SLC35F1: variants seen among roughly 807,000 people sequenced by gnomAD.
SLC35F1 encodes the protein solute carrier family 35 member F1.
In SLC35F1, 14 loss-of-function variants were observed where a neutral mutation model predicts 48.7. The ratio of observed to expected loss-of-function variants is 0.29; its 90% CI spans 0.19 to 0.45. The LOEUF (loss-of-function observed/expected upper bound fraction) is 0.45. SLC35F1 is among the 20% of genes least tolerant of loss of function. SLC35F1 has a pLI of 1.00. For missense variants in SLC35F1, 404 were observed against 500.0 expected (o/e 0.81, Z 1.83); for synonymous variants, 190 against 202.2 (o/e 0.94, Z 0.51).
chr6:118,262,833 T>C (rs764535170), intron 3 of SLC35F1, among the ~76,000 whole-genome samples: 3 of 152,146 alleles, frequency 2.0e-5, no homozygotes. Context: ...AGGCCTGTAA[T>C]CCCAGCAGTT....
intron 2 of SLC35F1, among the ~76,000 whole-genome samples, chr6:118,194,460 C>T (rs1471241591): frequency 1.3e-5 from 2 of 152,072 alleles, no homozygotes; most frequent in Non-Finnish European, 2.9e-5. Context: ...ATGGAGGCCT[C>T]ATCTATTTTT....
intron 2 of SLC35F1, among the ~76,000 whole-genome samples, chr6:118,174,574 C>T (rs559831547): frequency 6.6e-6 from 1 of 151,890 alleles, no homozygotes; most frequent in Non-Finnish European, 1.5e-5. Flanking sequence ...TTAAATGATC[C>T]AACATGCATG....
At chr6:118,297,843 A>G (rs1776211237) in intron 7 of SLC35F1, among the ~76,000 whole-genome samples, 1 of 150,078 alleles carries the variant, frequency 6.7e-6, no homozygotes, top group South Asian at 2.1e-4. Context: ...TGTTCCCTCA[A>G]AATCTCATGT....
chr6:118,291,687 G>A (rs1054259762), intron 7 of SLC35F1, among the ~76,000 whole-genome samples: 2 of 152,180 alleles, frequency 1.3e-5, no homozygotes, highest in Non-Finnish European at 2.9e-5. Context: ...TGGGCTGCAA[G>A]TAATAACTGC....
chr6:118,082,648 A>G (rs1772928869), intron 1 of SLC35F1, among the ~76,000 whole-genome samples: 1 of 152,210 alleles, frequency 6.6e-6, no homozygotes, highest in Admixed American at 6.5e-5. Flanking sequence ...CTGGATCCAG[A>G]AACCCAAGAA....
chr6:118,006,931 A>T (rs559907596), intron 1 of SLC35F1, among the ~76,000 whole-genome samples: 1 of 152,258 alleles, frequency 6.6e-6, no homozygotes, highest in East Asian at 1.9e-4. Flanking sequence ...ACTACAAATT[A>T]TAAAGAAATA....
chr6:118,147,218 A>G (rs1773986943), intron 1 of SLC35F1, among the ~76,000 whole-genome samples: 1 of 152,136 alleles, frequency 6.6e-6, no homozygotes, highest in Admixed American at 6.6e-5. Flanking sequence ...AGAGTTTCCT[A>G]CTGGTCAGGT....
intron 1 of SLC35F1, 66 bp from the exon 2 acceptor site, chr6:118,154,379 T>A (rs1235547053): frequency 2.0e-6 from 3 of 1,464,084 alleles, no homozygotes; most frequent in Non-Finnish European, 1.8e-6. Context: ...CAAAAAGTTT[T>A]AATTGCTATT....
intron 7 of SLC35F1, among the ~76,000 whole-genome samples, chr6:118,288,058 A>G (rs114190181): frequency 0.01 from 1,504 of 148,152 alleles, 27 homozygotes; most frequent in African/African-American, 0.035. Flanking sequence ...TTTTGTTACT[A>G]TTTGAAAGAT....
chr6:118,014,958 C>T (rs6568994), intron 1 of SLC35F1, among the ~76,000 whole-genome samples: 7,447 of 152,206 alleles, frequency 0.049, 255 homozygotes, highest in African/African-American at 0.082. Context: ...ATAATTTCCA[C>T]GTGTTGTGGG....
intron 2 of SLC35F1, among the ~76,000 whole-genome samples, chr6:118,206,951 AAAAAT>A (rs1215020450): frequency 6.6e-6 from 1 of 152,252 alleles, no homozygotes; most frequent in East Asian, 1.9e-4. Flanking sequence ...GTGTTTAAAA[AAAAAT>A]AAAAACAACT....
Position 117,999,105 on chromosome 6 carries a change from G to A in SLC35F1, c.173+91206G>A, listed in dbSNP as rs539159531. On this transcript the variant is annotated intron_variant, in intron 1 of 7. Transcript: ENST00000360388. The stretch of plus-strand genomic sequence containing the variant: ...GACCCCAAGTTCCTGAGGAACATGC[G>A]CTTTGCCAAGAAGCACAACAAAAAG... 162 of 1,567,692 alleles carry A rather than the reference G, an allele frequency of 1.0e-4. No homozygotes were observed. The African/African-American group carries it at 1.2e-3, about 12-fold the overall frequency.
rs78390695 is a variant in SLC35F1, at chr6:118,257,548, T to C, written c.478-9447T>C. 9.2e-5 allele frequency among the ~76,000 whole-genome samples: 14 copies of C among 152,300 alleles called. No individual in the cohort carries two copies. In the East Asian group the frequency reaches 2.5e-3, roughly 27 times the overall value. ...TTCTTGGGGTCTTTTAGGTGAACCA[T>C]GTAGAATACAACCAATTTGACCTAC... is the stretch of plus-strand genomic sequence containing the variant. On this transcript the variant is annotated intron_variant, in intron 3 of 7. Transcript: ENST00000360388.
At chr6:118,068,387 A>G (rs77629976) in intron 1 of SLC35F1, among the ~76,000 whole-genome samples, 4,089 of 151,770 alleles carry the variant, frequency 0.027, 81 homozygotes, top group Non-Finnish European at 0.042. Flanking sequence ...AGAAGAATAC[A>G]TTTTTTTTTC....
At chr6:118,240,231 G>A (rs976644493) in intron 3 of SLC35F1, among the ~76,000 whole-genome samples, 1 of 152,222 alleles carries the variant, frequency 6.6e-6, no homozygotes, top group African/African-American at 2.4e-5. Context: ...TGTGGCAAGA[G>A]AGCAGACACC....
At chr6:118,245,340 C>T (rs1008843517) in intron 3 of SLC35F1, among the ~76,000 whole-genome samples, 6 of 152,224 alleles carry the variant, frequency 3.9e-5, no homozygotes, top group Non-Finnish European at 8.8e-5. Context: ...GCCTCTCAGA[C>T]ATCACAACCC....
chr6:118,138,028 G>A (rs1388596857), intron 1 of SLC35F1, among the ~76,000 whole-genome samples: 1 of 152,118 alleles, frequency 6.6e-6, no homozygotes, highest in Non-Finnish European at 1.5e-5. Flanking sequence ...TTAGGGGAGG[G>A]TCAGGCTCAG....
intron 1 of SLC35F1, among the ~76,000 whole-genome samples, chr6:118,035,067 C>T (rs1374830560): frequency 6.6e-6 from 1 of 152,100 alleles, no homozygotes; most frequent in Non-Finnish European, 1.5e-5. Flanking sequence ...TTAATAGATA[C>T]AGGGCTCTTT....
At chr6:118,223,176 G>A (rs1775173163) in intron 2 of SLC35F1, among the ~76,000 whole-genome samples, 1 of 152,142 alleles carries the variant, frequency 6.6e-6, no homozygotes, top group Admixed American at 6.5e-5. Flanking sequence ...TTTATTAAAT[G>A]TGCCATGCAA....
Sources: gnomAD v4.1 joint callset for allele counts (sites outside exome capture counted in the v4.1 genomes callset) on GRCh38, gnomAD v4.1.1 for gene constraint, MANE v1.5 for transcripts, NCBI Gene and HGNC (gene_info 2026-07-23, HGNC 2026-07-21) for gene names.